The following GPA33 variants were observed in gnomAD, a reference collection of about 807,000 sequenced individuals.
The protein encoded by GPA33 is glycoprotein A33.
GPA33 carries 27 observed loss-of-function variants against 35.6 expected under a neutral mutation model. That is an observed-to-expected ratio of 0.76 (90% CI 0.56 to 1.04). The LOEUF is 1.04. GPA33 is among the 50% of genes least tolerant of loss of function. The pLI is 0.00. For missense variants in GPA33, 428 were observed against 411.9 expected, an observed-to-expected ratio of 1.04 and a Z score of -0.34; for synonymous variants, 176 against 164.0, an observed-to-expected ratio of 1.07 and a Z score of -0.56.
intron 1 of GPA33, among the ~76,000 whole-genome samples, chr1:167,079,322 G>A (rs1206427924): frequency 1.3e-5 from 2 of 151,922 alleles, no homozygotes; most frequent in East Asian, 3.9e-4. Context: ...GTGAAACCCT[G>A]TCTCTACTAA....
chr1:167,063,793 C>T (rs1666523723), intron 3 of GPA33, 56 bp from the exon 4 acceptor site: 3 of 1,419,942 alleles, frequency 2.1e-6, no homozygotes, highest in Admixed American at 1.8e-5. Context: ...TTGGTGACAG[C>T]CACCCACCCC....
rs192845120 is a variant in GPA33, at chr1:167,075,459, G to A, written c.44-1920C>T. ...TAGAGGAAAACAGGAGTCAGGAATA[G>A]ACAGAAGGATTTGGCCTCAGCAACT... On this transcript the variant is annotated intron_variant, in intron 1 of 6. Transcript: ENST00000367868. Among the ~76,000 whole-genome samples the A allele has an allele frequency of 4.0e-3, 614 of 152,320 alleles. 5 individuals carry two copies. The highest frequency in any genetic ancestry group is 0.014 in the African/African-American group (581 of 41,566).
At chr1:167,070,565 A>T (rs1666698758) in intron 2 of GPA33, among the ~76,000 whole-genome samples, 1 of 152,188 alleles carries the variant, frequency 6.6e-6, no homozygotes, top group African/African-American at 2.4e-5. Context: ...CTACAATGCC[A>T]GGTCTCAGAC....
In GPA33 at chr1:167,054,374, C is replaced by T. The variant is rs146470813; in HGVS notation, c.920G>A (p.Arg307Lys). Residue 307 changes from arginine (R) to lysine (K), a missense_variant, in exon 7 of 7, where the codon AGG becomes AAG. Transcript: ENST00000367868. ...GTCCGGGGATTCACGCCCAGTGCTC[C>T]TCTGCTCTTCTTGCCTGTAGTCATC... ...EEDDYRQEEQ[R>K]STGRESPDHL... 28 of 1,614,036 alleles carry T rather than the reference C, an allele frequency of 1.7e-5. No homozygotes were observed. The highest frequency in any genetic ancestry group is 1.6e-4 in the Middle Eastern group (1 of 6,084).
At chr1:167,087,949 A>T (rs909539396) in intron 1 of GPA33, among the ~76,000 whole-genome samples, 20 of 101,100 alleles carry the variant, frequency 2.0e-4, no homozygotes, top group African/African-American at 7.3e-4. Flanking sequence ...ACCAACTTTT[A>T]GTCGGTTTTA....
In GPA33 at chr1:167,069,006, C is replaced by T. The variant is rs754391898; in HGVS notation, c.331G>A (p.Asp111Asn). Residue 111 changes from aspartate (D) to asparagine (N), a missense_variant, in exon 3 of 7, where the codon GAC becomes AAC. Coordinates refer to ENST00000367868, the MANE Select transcript of GPA33 (RefSeq NM_005814.3). Reference protein sequence around the residue: ...SITIDQLTMADNGTYECSVSL... With the variant: ...SITIDQLTMANNGTYECSVSL... ...ACAGAACACTCGTAGGTGCCGTTGT[C>T]AGCCATGGTCAGCTGATCAATGGTG... 1 of 1,614,102 alleles carries T rather than the reference C, an allele frequency of 6.2e-7. No homozygotes were observed. The highest frequency in any genetic ancestry group is 1.7e-5 in the Admixed American group (1 of 60,034).
At chr1:167,055,891 T>A (rs1280668693) in intron 4 of GPA33, 42 bp from the exon 5 acceptor site, 1 of 1,610,190 alleles carries the variant, frequency 6.2e-7, no homozygotes, top group South Asian at 1.1e-5. Context: ...GGCACTACAG[T>A]GGAGTGGAGA....
At chr1:167,078,095 C>A (rs1275424914) in intron 1 of GPA33, among the ~76,000 whole-genome samples, 2 of 152,216 alleles carry the variant, frequency 1.3e-5, no homozygotes, top group African/African-American at 2.4e-5. Context: ...TGGTGTTTTC[C>A]TTGGCTGTCA....
chr1:167,089,258 C>G (rs955681849), intron 1 of GPA33, among the ~76,000 whole-genome samples: 1 of 152,104 alleles, frequency 6.6e-6, no homozygotes, highest in Non-Finnish European at 1.5e-5. Context: ...CCCCGTGGCC[C>G]GGGGCTTTCC....
intron 4 of GPA33, among the ~76,000 whole-genome samples, chr1:167,060,944 C>T (rs1301095338): frequency 1.3e-5 from 2 of 152,214 alleles, no homozygotes. Flanking sequence ...CCTTGAGGAC[C>T]CAACTCAAAT....
At position 167,090,275 on chromosome 1, in the gene GPA33, T is replaced by C. The variant is rs752367882; in HGVS notation, c.13A>G (p.Met5Val). The change falls in exon 1 of 7, where the codon ATG (methionine) becomes GTG (valine). Residue 5 changes from methionine (M) to valine (V), a missense_variant. By Grantham distance (21) the Met-to-Val change is conservative. Coordinates refer to ENST00000367868, the MANE Select transcript of GPA33 (RefSeq NM_005814.3). ...CAGAGTGTCCACAACACAGGCCACATCTTCCCCACCATGGTCTTGCTTCTT... is the reference window on the plus strand; with the variant it reads ...CAGAGTGTCCACAACACAGGCCACACCTTCCCCACCATGGTCTTGCTTCTT... MVGK[M>V]WPVLWTLCAV... is the part of the protein sequence containing the mutation. The C allele has an allele frequency of 1.2e-6, 2 of 1,613,766 alleles. No homozygotes were observed. The highest frequency in any genetic ancestry group is 1.7e-6 in the Non-Finnish European group (2 of 1,179,720).
chr1:167,066,770 C>T (rs1371484407), intron 3 of GPA33, among the ~76,000 whole-genome samples: 1 of 152,160 alleles, frequency 6.6e-6, no homozygotes, highest in African/African-American at 2.4e-5. Context: ...GCCAAGGCCT[C>T]TCCGAAGCCT....
chr1:167,069,440 C>A (rs544853536), intron 2 of GPA33, among the ~76,000 whole-genome samples: 1 of 152,192 alleles, frequency 6.6e-6, no homozygotes, highest in Non-Finnish European at 1.5e-5. Flanking sequence ...TTGTAATCTC[C>A]GGCATCTCTC....
chr1:167,070,810 G>A (rs114820960), intron 2 of GPA33, among the ~76,000 whole-genome samples: 169 of 152,348 alleles, frequency 1.1e-3, no homozygotes, highest in African/African-American at 3.8e-3. Context: ...GGGCACCAAT[G>A]AGACCATGAA....
At chr1:167,085,468 G>T (rs983541427) in intron 1 of GPA33, among the ~76,000 whole-genome samples, 1 of 152,188 alleles carries the variant, frequency 6.6e-6, no homozygotes, top group Admixed American at 6.5e-5. Flanking sequence ...TTACCAAAAA[G>T]CCCTGAGAGG....
chr1:167,055,288 G>A (rs1666216492), intron 5 of GPA33, among the ~76,000 whole-genome samples, 177 bp from the exon 6 acceptor site: 1 of 152,216 alleles, frequency 6.6e-6, no homozygotes, highest in African/African-American at 2.4e-5. Context: ...TGCAGACAGA[G>A]ACATATGGTC....
chr1:167,075,646 A>C (rs1666809417), intron 1 of GPA33, among the ~76,000 whole-genome samples: 1 of 152,200 alleles, frequency 6.6e-6, no homozygotes, highest in South Asian at 2.1e-4. Context: ...CTGGAGTGCC[A>C]CAGAGGCACG....
At position 167,068,932 on chromosome 1, in the gene GPA33, C is replaced by G. The variant is rs910951629; in HGVS notation, c.405G>C (p.Leu135=). 1.2e-6 allele frequency: 2 copies of G among 1,612,356 alleles called. No homozygotes were observed. Among genetic ancestry groups the G allele is most frequent in the South Asian group, 1.1e-5 (1 of 91,010 alleles). The change falls in exon 3 of 7, where the codon CTG becomes CTC. Residue 135 remains leucine (L), a synonymous_variant. Transcript: ENST00000367868. ...LEGNTKSRVR[L]LVLVPPSKPE... The stretch of plus-strand genomic sequence containing the variant: ...CATGAAGACACTCACCGAGGACCAA[C>G]AGGCGGACACGTGACTTGGTGTTGC...
At chr1:167,077,231 A>G (rs1320022901) in intron 1 of GPA33, among the ~76,000 whole-genome samples, 1 of 151,898 alleles carries the variant, frequency 6.6e-6, no homozygotes, top group East Asian at 1.9e-4. Context: ...AGAAGAAAAC[A>G]CATTAGTCAT....
Sources: gnomAD v4.1 joint callset for allele counts (sites outside exome capture counted in the v4.1 genomes callset) on GRCh38, gnomAD v4.1.1 for gene constraint, MANE v1.5 for transcripts, NCBI Gene and HGNC (gene_info 2026-07-23, HGNC 2026-07-21) for gene names.